The following PIP5K1B variants were observed in gnomAD, a reference collection of about 807,000 sequenced individuals.
PIP5K1B encodes phosphatidylinositol 4-phosphate 5-kinase type-1 beta.
Under a neutral mutation model 67.0 loss-of-function variants are expected in PIP5K1B, and 42 were observed. The ratio of observed to expected loss-of-function variants is 0.63; its 90% CI spans 0.49 to 0.81. PIP5K1B has a LOEUF of 0.81. Ranked by LOEUF, PIP5K1B falls within the 30% of genes least tolerant of loss-of-function variation. PIP5K1B has a pLI of 0.00. For synonymous variants in PIP5K1B, 214 were observed against 231.4 expected (o/e 0.92, Z 0.68); for missense variants, 459 against 646.3 (o/e 0.71, Z 3.14).
At chr9:68,898,895 C>T (rs1825224895) in intron 8 of PIP5K1B, among the ~76,000 whole-genome samples, 1 of 152,224 alleles carries the variant, frequency 6.6e-6, no homozygotes, top group South Asian at 2.1e-4. Context: ...CCTTCCATCA[C>T]ATCCCCACCA....
chr9:68,986,114 TGTGGGA>T (rs1388462798), intron 14 of PIP5K1B, among the ~76,000 whole-genome samples: 1 of 152,252 alleles, frequency 6.6e-6, no homozygotes. Context: ...TGGATATGTA[TGTGGGA>T]GTGGAATTGG....
At chr9:69,004,045 T>C (rs934314036) in intron 15 of PIP5K1B, among the ~76,000 whole-genome samples, 1 of 152,252 alleles carries the variant, frequency 6.6e-6, no homozygotes, top group African/African-American at 2.4e-5. Context: ...AAAAGCTTTG[T>C]AATCTCTGAC....
At chr9:68,953,472 T>C (rs1432564473) in intron 14 of PIP5K1B, among the ~76,000 whole-genome samples, 1 of 152,126 alleles carries the variant, frequency 6.6e-6, no homozygotes, top group Admixed American at 6.6e-5. Context: ...CCTCAGATTT[T>C]TGGAAATCTT....
At chr9:68,941,244 TGTTAC>T in intron 14 of PIP5K1B, 1 of 382,438 alleles carries the variant, frequency 2.6e-6, no homozygotes, top group South Asian at 2.0e-5. Context: ...CCTGTGAATA[TGTTAC>T]CTTATATGGC....
rs897229767 is a variant in PIP5K1B at position 68,835,936 on chromosome 9, C to T, written c.69+13253C>T. Among the ~76,000 whole-genome samples, 4 of 150,700 alleles carry T rather than the reference C, an allele frequency of 2.7e-5. No individual in the cohort carries two copies. The Admixed American group carries it at 2.7e-4, about 10-fold the overall frequency. On this transcript the variant is annotated intron_variant, in intron 4 of 15. Coordinates refer to ENST00000265382, the MANE Select transcript of PIP5K1B (RefSeq NM_003558.4). ...CAGTGTCTGATTTAGTTTGAGGAAG[C>T]TATATTGGGCTTCAAGAACCCTTTT...
intron 14 of PIP5K1B, among the ~76,000 whole-genome samples, chr9:68,949,671 T>C (rs1490363437): frequency 1.3e-5 from 2 of 152,146 alleles, no homozygotes; most frequent in Admixed American, 1.3e-4. Context: ...AAAGAAAAAG[T>C]TCAGCTGAAT....
chr9:68,787,034 C>G (rs1160040244), intron 2 of PIP5K1B, among the ~76,000 whole-genome samples: 5 of 152,174 alleles, frequency 3.3e-5, no homozygotes, highest in African/African-American at 1.2e-4. Flanking sequence ...GACACGCAAC[C>G]TCTGGCTGCA....
At chr9:68,928,134 C>T (rs950730548) in intron 12 of PIP5K1B, among the ~76,000 whole-genome samples, 4 of 152,004 alleles carry the variant, frequency 2.6e-5, no homozygotes, top group Admixed American at 2.0e-4. Flanking sequence ...TACTTCTTGA[C>T]TCTCACATCT....
intron 14 of PIP5K1B, among the ~76,000 whole-genome samples, chr9:68,981,895 C>T (rs907411130): frequency 1.3e-5 from 2 of 152,140 alleles, no homozygotes; most frequent in African/African-American, 2.4e-5. Flanking sequence ...AATCGCTCCT[C>T]CTGTACTGCT....
At chr9:68,879,679 A>C (rs974613766) in intron 6 of PIP5K1B, among the ~76,000 whole-genome samples, 117 of 152,330 alleles carry the variant, frequency 7.7e-4, no homozygotes, top group African/African-American at 2.6e-3. Flanking sequence ...TATATACTTG[A>C]AAATTGCTAA....
intron 12 of PIP5K1B, among the ~76,000 whole-genome samples, chr9:68,934,288 T>C (rs574827180): frequency 7.9e-5 from 12 of 152,238 alleles, no homozygotes; most frequent in South Asian, 4.1e-4. Flanking sequence ...TAGACAAAGA[T>C]TGGAAGTGAA....
intron 5 of PIP5K1B, among the ~76,000 whole-genome samples, chr9:68,875,313 A>AAAAC (rs1564198710): frequency 6.6e-6 from 1 of 150,726 alleles, no homozygotes; most frequent in African/African-American, 2.4e-5. Context: ...AAAAAAAAAA[A>AAAAC]AAAAAAAAAA....
chr9:68,751,903 TAA>T (rs1380105028), intron 2 of PIP5K1B, among the ~76,000 whole-genome samples: 1 of 152,222 alleles, frequency 6.6e-6, no homozygotes, highest in Non-Finnish European at 1.5e-5. Context: ...ATAATTTTCT[TAA>T]AAATGGATTT....
intron 2 of PIP5K1B, among the ~76,000 whole-genome samples, chr9:68,771,994 G>C (rs1830690580): frequency 1.3e-5 from 2 of 152,126 alleles, no homozygotes; most frequent in Admixed American, 1.3e-4. Flanking sequence ...GTCATATTTA[G>C]CTCAAAGGAA....
intron 4 of PIP5K1B, among the ~76,000 whole-genome samples, chr9:68,824,686 A>G (rs1238377119): frequency 6.6e-6 from 1 of 152,200 alleles, no homozygotes; most frequent in Non-Finnish European, 1.5e-5. Flanking sequence ...CTTAATAAAT[A>G]TGGTATTGAT....
At chr9:68,870,239 A>G (rs1823565180) in intron 5 of PIP5K1B, among the ~76,000 whole-genome samples, 1 of 152,168 alleles carries the variant, frequency 6.6e-6, no homozygotes. Context: ...CCAGTAAATG[A>G]CATCCCGGAA....
At chr9:68,932,575 G>A (rs1474250794) in intron 12 of PIP5K1B, among the ~76,000 whole-genome samples, 1 of 152,124 alleles carries the variant, frequency 6.6e-6, no homozygotes, top group Non-Finnish European at 1.5e-5. Flanking sequence ...CTTAACGTCT[G>A]GCTTAATAGA....
In PIP5K1B at chr9:68,932,107, C is replaced by A. The variant is rs371634219; in HGVS notation, c.1202-2783C>A. Among the ~76,000 whole-genome samples the A allele has an allele frequency of 4.7e-4, 72 of 152,286 alleles. No individual in the cohort carries two copies. In the South Asian group the frequency reaches 0.015, roughly 31 times the overall value. ...ACAAAGAGTTACTTCTTTTTCCAGT[C>A]TTTTGGCCCTCACTCCATGAAATGC... On this transcript the variant is annotated intron_variant, in intron 12 of 15. Coordinates refer to ENST00000265382, the MANE Select transcript of PIP5K1B (RefSeq NM_003558.4).
intron 12 of PIP5K1B, among the ~76,000 whole-genome samples, chr9:68,932,136 G>A (rs1827035270): frequency 6.6e-6 from 1 of 152,186 alleles, no homozygotes; most frequent in Admixed American, 6.5e-5. Flanking sequence ...GAAATGCCAT[G>A]AGTATAGGTC....
Sources: gnomAD v4.1 joint callset for allele counts (sites outside exome capture counted in the v4.1 genomes callset) on GRCh38, gnomAD v4.1.1 for gene constraint, MANE v1.5 for transcripts, NCBI Gene and HGNC (gene_info 2026-07-23, HGNC 2026-07-21) for gene names.